The following BCL11A variants were observed in gnomAD, a reference collection of about 807,000 sequenced individuals.
BCL11A encodes the protein B cell CLL/lymphoma 11A.
In BCL11A, 2 loss-of-function variants were observed where a neutral mutation model predicts 55.9. The observed-to-expected ratio is 0.04, with a 90% CI of 0.01 to 0.11. The LOEUF (loss-of-function observed/expected upper bound fraction) is 0.11, where lower values mean the gene tolerates loss of function less well. BCL11A is among the 10% of genes least tolerant of loss of function. The pLI is 1.00. For missense variants in BCL11A, 817 were observed against 1,137.1 expected, an observed-to-expected ratio of 0.72 and a Z score of 4.05; for synonymous variants, 465 against 473.4, an observed-to-expected ratio of 0.98 and a Z score of 0.23.
chr2:60,452,480 T>C (rs895788675), downstream of BCL11A: 5 of 1,056,684 alleles, frequency 4.7e-6, no homozygotes, highest in African/African-American at 4.7e-5. Context: ...TGGAGGCTAC[T>C]GTCAGAAAAC....
At chr2:60,491,535 G>T (rs1351766944) in intron 2 of BCL11A, among the ~76,000 whole-genome samples, 1 of 152,014 alleles carries the variant, frequency 6.6e-6, no homozygotes, top group Non-Finnish European at 1.5e-5. Context: ...AGCCGGGCAT[G>T]GTAATACATG....
At chr2:60,454,898 C>T (rs1187700366), downstream of BCL11A, among the ~76,000 whole-genome samples, 1 of 152,166 alleles carries the variant, frequency 6.6e-6, no homozygotes, top group Admixed American at 6.5e-5. Context: ...TTTAAATAAA[C>T]AGTTCTATAT....
intron 2 of BCL11A, among the ~76,000 whole-genome samples, chr2:60,520,115 C>T (rs1366683596): frequency 6.6e-6 from 1 of 151,984 alleles, no homozygotes; most frequent in African/African-American, 2.4e-5. Flanking sequence ...TTGAAAAATT[C>T]AGAAAGCCAA....
At chr2:60,453,812 C>G (rs1675822415), downstream of BCL11A, among the ~76,000 whole-genome samples, 1 of 152,174 alleles carries the variant, frequency 6.6e-6, no homozygotes, top group African/African-American at 2.4e-5. Context: ...GCTTAATTTG[C>G]CTTTTCTACC....
intron 2 of BCL11A, among the ~76,000 whole-genome samples, chr2:60,498,624 G>A (rs980689074): frequency 6.6e-6 from 1 of 152,232 alleles, no homozygotes; most frequent in African/African-American, 2.4e-5. Context: ...TAGGCTTAGT[G>A]TGCTGGGCAG....
At position 60,461,259 on chromosome 2, in the gene BCL11A, C is replaced by T. The variant is rs186749287; in HGVS notation, c.1653G>A (p.Val551=). 11 of 1,608,408 alleles carry T rather than the reference C, an allele frequency of 6.8e-6. No homozygotes were observed. In the East Asian group the frequency reaches 2.5e-4, roughly 36 times the overall value. Residue 551 remains valine, a synonymous_variant, in exon 4 of 4, where the codon GTG becomes GTA. Transcript: ENST00000642384. Reference sequence around the variant, plus strand: ...CGCTGAAGTGCTGCATGGAGCTGAGCACCATGCCCTGCATGACGTCGGGCA... The same window carrying T: ...CGCTGAAGTGCTGCATGGAGCTGAGTACCATGCCCTGCATGACGTCGGGCA... ...RALPDVMQGM[V]LSSMQHFSEA...
chr2:60,465,117 T>C (rs2103893035), intron 3 of BCL11A, among the ~76,000 whole-genome samples: 1 of 152,362 alleles, frequency 6.6e-6, no homozygotes, highest in Admixed American at 6.5e-5. Context: ...ATATAATCTG[T>C]ATTTCACTCA....
At chr2:60,468,014 G>C (rs1210562357) in intron 3 of BCL11A, among the ~76,000 whole-genome samples, 1 of 21,542 alleles carries the variant, frequency 4.6e-5, no homozygotes, top group Non-Finnish European at 1.1e-4. Context: ...GGTGATGGTG[G>C]TGGTGGTGGT....
intron 2 of BCL11A, among the ~76,000 whole-genome samples, chr2:60,501,734 G>C (rs909768153): frequency 6.6e-6 from 1 of 151,878 alleles, no homozygotes; most frequent in Non-Finnish European, 1.5e-5. Flanking sequence ...TCAAACTCTT[G>C]ACCTCAGGTG....
intron 2 of BCL11A, among the ~76,000 whole-genome samples, chr2:60,507,642 A>G (rs1037215026): frequency 6.6e-6 from 1 of 152,042 alleles, no homozygotes; most frequent in African/African-American, 2.4e-5. Context: ...CTGCCTCCGC[A>G]CCTGAGCTGA....
intron 2 of BCL11A, among the ~76,000 whole-genome samples, chr2:60,480,367 T>C (rs1250881538): frequency 6.6e-6 from 1 of 152,228 alleles, no homozygotes; most frequent in Admixed American, 6.5e-5. Flanking sequence ...CCTCTGACTG[T>C]CCAGCACCAT....
chr2:60,514,665 C>G (rs923392380), intron 2 of BCL11A, among the ~76,000 whole-genome samples: 7 of 146,382 alleles, frequency 4.8e-5, no homozygotes, highest in African/African-American at 1.8e-4. Flanking sequence ...GAGACTCCAT[C>G]TCAAAAAAAA....
downstream of BCL11A, chr2:60,452,588 G>A (rs1675771943): frequency 6.2e-7 from 1 of 1,613,812 alleles, no homozygotes; most frequent in Admixed American, 1.7e-5. Context: ...GAACTTAAGG[G>A]CTCTCGAGCT....
rs554884428 is a variant in BCL11A, at chr2:60,460,774, C to A, written c.2138G>T (p.Arg713Leu). Residue 713 changes from arginine to leucine, a missense_variant, in exon 4 of 4, where the codon CGC (arginine) becomes CTC (leucine). Around this residue, in one of 4 missense-constraint regions of BCL11A, gnomAD observed 379 missense variants for 425.3 expected, o/e 0.89. Transcript: ENST00000642384. ...PGELDGGISG[R>L]SGTGSGGSTP... ...GCTCCCTCCACTTCCCGTGCCGCTG[C>A]GCCCCGAGATCCCTCCGTCCAGCTC... The A allele has an allele frequency of 9.9e-6, 16 of 1,613,374 alleles. No individual in the cohort carries two copies. The highest frequency in any genetic ancestry group is 1.3e-5 in the Non-Finnish European group (15 of 1,180,032).
chr2:60,506,858 T>C (rs924474136), intron 2 of BCL11A, among the ~76,000 whole-genome samples: 1 of 152,182 alleles, frequency 6.6e-6, no homozygotes, highest in Admixed American at 6.5e-5. Flanking sequence ...AAACATTCAA[T>C]TAATGTAATT....
chr2:60,538,000 A>C (rs1669747366), intron 2 of BCL11A: 3 of 152,238 alleles, frequency 2.0e-5, no homozygotes, highest in Non-Finnish European at 4.4e-5. Flanking sequence ...ACTCATTGTG[A>C]GTGACCAAAG....
chr2:60,543,027 T>C (rs1192686476), intron 2 of BCL11A: 3 of 121,670 alleles, frequency 2.5e-5, no homozygotes, highest in African/African-American at 3.3e-5. Flanking sequence ...CAAAACTCTG[T>C]CTAAAAAAAA....
intron 2 of BCL11A, among the ~76,000 whole-genome samples, chr2:60,517,436 A>G (rs1349775112): frequency 6.6e-6 from 1 of 152,268 alleles, no homozygotes; most frequent in East Asian, 1.9e-4. Context: ...GCAAAGGACC[A>G]TTCTCTGCAA....
intron 2 of BCL11A, among the ~76,000 whole-genome samples, chr2:60,519,424 C>T (rs1377779075): frequency 6.6e-6 from 1 of 152,172 alleles, no homozygotes; most frequent in Non-Finnish European, 1.5e-5. Context: ...TGTTGGAACG[C>T]TTACTTTATG....
Sources: gnomAD v4.1 joint callset for allele counts (sites outside exome capture counted in the v4.1 genomes callset) on GRCh38, gnomAD v4.1.1 for gene constraint, gnomAD v4.1.1 regional missense constraint, MANE v1.5 for transcripts, NCBI Gene and HGNC (gene_info 2026-07-23, HGNC 2026-07-21) for gene names.